CHD2: variants seen among roughly 807,000 people sequenced by gnomAD.
CHD2 encodes the protein ATP-dependent chromatin remodeler CHD2.
A neutral mutation model predicts 243.9 loss-of-function variants in CHD2; 28 were observed. The ratio of observed to expected loss-of-function variants is 0.11; its 90% CI spans 0.09 to 0.16. The LOEUF is 0.16. CHD2 is among the 10% of genes least tolerant of loss of function. The pLI is 1.00. For missense variants in CHD2, 1,386 were observed against 2,209.8 expected (o/e 0.63, Z 7.47); for synonymous variants, 775 against 779.0 (o/e 0.99, Z 0.09).
At chr15:92,949,593 TTTTTA>T (rs2053524771) in intron 13 of CHD2, among the ~76,000 whole-genome samples, 1 of 152,180 alleles carries the variant, frequency 6.6e-6, no homozygotes, top group Non-Finnish European at 1.5e-5. Flanking sequence ...GAAAGTATCC[TTTTTA>T]TAAGACCACG....
rs143517136 is a variant in CHD2, at chr15:92,944,547, T to G, written c.1153+32T>G. 1.6e-4 allele frequency: 189 copies of G among 1,191,794 alleles called. No individual in the cohort carries two copies. In the East Asian group the frequency reaches 4.5e-3, roughly 28 times the overall value. 73.8% of individuals were successfully genotyped at this position (1,191,794 alleles called of 1,614,324 possible). A position where few individuals can be genotyped will look rare whatever the true frequency, so the allele number is the denominator to read the frequency against. Reference sequence around the variant, plus strand: ...ACATGGTAACTCACTTCAGCCATATTTGAACTTGAGGAATAGTGGCTTTTG... The same window carrying G: ...ACATGGTAACTCACTTCAGCCATATGTGAACTTGAGGAATAGTGGCTTTTG... On this transcript the variant is annotated intron_variant, in intron 10 of 38. Coordinates refer to ENST00000394196, the MANE Select transcript of CHD2 (RefSeq NM_001271.4).
chr15:92,953,701 T>C (rs1390138319), intron 14 of CHD2, 128 bp downstream of exon 14: 3 of 817,500 alleles, frequency 3.7e-6, no homozygotes, highest in Non-Finnish European at 3.8e-6. Context: ...GTGTTCTCAA[T>C]ATTAGGAGGT....
chr15:92,904,617 C>T (rs2052585673), intron 2 of CHD2: 4 of 1,173,094 alleles, frequency 3.4e-6, no homozygotes, highest in South Asian at 4.3e-5. Flanking sequence ...GTTCTTTTGC[C>T]CATTTCCGGG....
rs1292370948 is a variant in CHD2 at position 92,978,293 on chromosome 15, G to A, written c.2637G>A (p.Ala879=). 2 of 1,614,158 alleles carry A rather than the reference G, an allele frequency of 1.2e-6. No individual in the cohort carries two copies. Among genetic ancestry groups the A allele is most frequent in the African/African-American group, 1.3e-5 (1 of 75,030 alleles). The part of the protein sequence containing the change: ...AGGLGINLAS[A]DTVVIFDSDW... ...GCCTGGGAATCAATTTGGCTTCAGC[G>A]GACACAGTCGTCATCTTTGACTCTG... Residue 879 remains alanine (A), a synonymous_variant, in exon 21 of 39, where the codon GCG becomes GCA. Transcript: ENST00000394196.
intron 10 of CHD2, 78 bp downstream of exon 10, chr15:92,944,593 T>C: frequency 1.5e-6 from 1 of 664,886 alleles, no homozygotes; most frequent in Non-Finnish European, 2.5e-6. Context: ...TAATGTAAAT[T>C]TTAAAAATGC....
intron 16 of CHD2, among the ~76,000 whole-genome samples, chr15:92,965,731 G>A (rs1416573787): frequency 6.6e-6 from 1 of 152,106 alleles, no homozygotes; most frequent in Non-Finnish European, 1.5e-5. Context: ...TATCTCCTCA[G>A]TGTGTGTAGA....
chr15:92,957,672 A>G (rs775911919), intron 16 of CHD2, among the ~76,000 whole-genome samples: 5 of 151,056 alleles, frequency 3.3e-5, no homozygotes, highest in Non-Finnish European at 7.4e-5. Flanking sequence ...TTAATTCAGG[A>G]TTAAATTTTA....
At chr15:93,002,745 C>A (rs548882042) in intron 33 of CHD2, among the ~76,000 whole-genome samples, 13 of 152,290 alleles carry the variant, frequency 8.5e-5, no homozygotes, top group African/African-American at 3.1e-4. Flanking sequence ...AAAAGCCTTG[C>A]TATTATAACC....
chr15:93,019,958 A>T, intron 37 of CHD2, 54 bp from the exon 38 acceptor site: 1 of 1,556,582 alleles, frequency 6.4e-7, no homozygotes, highest in East Asian at 2.3e-5. Flanking sequence ...TTGTAGTGAA[A>T]GTGAAATTCA....
Position 93,004,889 on chromosome 15 carries a change from G to A in CHD2, c.4413+138G>A, listed in dbSNP as rs1323210424. Reference sequence around the variant, plus strand: ...TGGGAAACACATTGCTTACAGTATCGGAAGACCATGTGCTCTTCAGCAGGC... The same window carrying A: ...TGGGAAACACATTGCTTACAGTATCAGAAGACCATGTGCTCTTCAGCAGGC... On this transcript the variant is annotated intron_variant, in intron 34 of 38. Coordinates refer to ENST00000394196, the MANE Select transcript of CHD2 (RefSeq NM_001271.4). The A allele has an allele frequency of 6.9e-5, 59 of 861,256 alleles. No homozygotes were observed. In the South Asian group the frequency reaches 9.7e-4, roughly 14 times the overall value. The allele number at this position is 861,256 out of a possible 1,614,324, so 53.4% of individuals were successfully genotyped here.
chr15:92,924,593 A>G, intron 3 of CHD2, 41 bp downstream of exon 3: 1 of 1,529,918 alleles, frequency 6.5e-7, no homozygotes, highest in Non-Finnish European at 9.1e-7. Context: ...CTGCTAGCCT[A>G]GGACAAGCTA....
intron 28 of CHD2, among the ~76,000 whole-genome samples, chr15:92,993,507 G>A (rs973711019): frequency 6.6e-6 from 1 of 152,204 alleles, no homozygotes; most frequent in Non-Finnish European, 1.5e-5. Context: ...GATTGGACAT[G>A]CAGTGTGTTT....
Position 92,971,057 on chromosome 15 carries a change from A to G in CHD2, c.2190-708A>G, listed in dbSNP as rs372146167. Among the ~76,000 whole-genome samples, 17 of 152,252 alleles carry G rather than the reference A, an allele frequency of 1.1e-4. 1 individual carries two copies. Among genetic ancestry groups the G allele is most frequent in the Admixed American group, 9.1e-4 (14 of 15,310 alleles). Reference sequence around the variant, plus strand: ...AAAATGGGTATGTAGCCTCTATTTTATGGTATATTTACATTTATTTAACCT... The same window carrying G: ...AAAATGGGTATGTAGCCTCTATTTTGTGGTATATTTACATTTATTTAACCT... On this transcript the variant is annotated intron_variant, in intron 17 of 38. Transcript: ENST00000394196.
intron 27 of CHD2, among the ~76,000 whole-genome samples, chr15:92,992,616 G>GT (rs912157304): frequency 6.6e-6 from 1 of 152,082 alleles, no homozygotes; most frequent in African/African-American, 2.4e-5. Context: ...TTTCCTCTCT[G>GT]TTTTTTGGAA....
At chr15:92,926,594 ATTGTTACAGGTCTTAAAGG>A (rs2053066028) in intron 3 of CHD2, among the ~76,000 whole-genome samples, 1 of 152,198 alleles carries the variant, frequency 6.6e-6, no homozygotes, top group Admixed American at 6.5e-5. Flanking sequence ...ACTGGTGAGG[ATTGTTACAGGTCTTAAAGG>A]TTGTTACAGG....
intron 11 of CHD2, 42 bp from the exon 12 acceptor site, chr15:92,945,992 TTTAA>T (rs1413302163): frequency 5.3e-6 from 8 of 1,521,528 alleles, no homozygotes; most frequent in Non-Finnish European, 7.1e-6. Context: ...ATTTTTCACT[TTTAA>T]TTGACAGTTG....
chr15:92,978,802 C>G (rs2053940796), intron 21 of CHD2, among the ~76,000 whole-genome samples: 1 of 152,134 alleles, frequency 6.6e-6, no homozygotes. Flanking sequence ...AAAGTCTGTT[C>G]TATATTGGAT....
intron 32 of CHD2, 22 bp from the exon 33 acceptor site, chr15:93,002,155 A>G: frequency 6.4e-7 from 1 of 1,573,874 alleles, no homozygotes; most frequent in Non-Finnish European, 8.6e-7. Flanking sequence ...GCAAAAATTC[A>G]TAGCCCTGTT....
intron 36 of CHD2, among the ~76,000 whole-genome samples, chr15:93,012,782 C>A (rs2054408889): frequency 6.6e-6 from 1 of 152,156 alleles, no homozygotes; most frequent in South Asian, 2.1e-4. Flanking sequence ...AATACTTTTT[C>A]TCTTCTTTTC....
Sources: allele counts gnomAD v4.1 joint callset (sites outside exome capture counted in the v4.1 genomes callset), GRCh38; gene constraint gnomAD v4.1.1; transcripts MANE v1.5; gene names NCBI Gene and HGNC (gene_info 2026-07-23, HGNC 2026-07-21).